ABR: variants seen among roughly 807,000 people sequenced by gnomAD.
ABR encodes active breakpoint cluster region-related protein.
A neutral mutation model predicts 107.2 loss-of-function variants in ABR; 35 were observed. The observed-to-expected ratio is 0.33, with a 90% CI of 0.25 to 0.43. The LOEUF (loss-of-function observed/expected upper bound fraction) is 0.43, where lower values mean the gene tolerates loss of function less well. Among genes scored for constraint, ABR ranks in the 20% least tolerant of loss-of-function variants. ABR has a pLI of 1.00. For missense variants in ABR, 815 were observed against 1,115.2 expected (o/e 0.73, Z 3.83); for synonymous variants, 498 against 462.0 (o/e 1.08, Z -1.00).
intron 4 of ABR, among the ~76,000 whole-genome samples, chr17:1,090,736 G>A (rs2036966086): frequency 6.6e-6 from 1 of 152,236 alleles, no homozygotes; most frequent in East Asian, 1.9e-4. Flanking sequence ...CACGGCAGGG[G>A]AGGGGAGGAG....
chr17:1,213,533 G>A (rs760461112), intron 1 of ABR, among the ~76,000 whole-genome samples: 12 of 152,070 alleles, frequency 7.9e-5, no homozygotes, highest in Non-Finnish European at 1.3e-4. Flanking sequence ...TGGATTACAG[G>A]TGCATGCCAC....
chr17:1,057,702 TGA>T (rs1300837671), intron 12 of ABR: 6,020 of 347,966 alleles, frequency 0.017, no homozygotes, highest in South Asian at 0.028. Context: ...TGTGTGTGTG[TGA>T]GAGAGAGAGA....
chr17:1,022,299 G>T (rs1324929536), intron 16 of ABR, among the ~76,000 whole-genome samples: 1 of 152,118 alleles, frequency 6.6e-6, no homozygotes, highest in Non-Finnish European at 1.5e-5. Flanking sequence ...TCCCAGGCCA[G>T]CGGCCACGGT....
upstream of ABR, among the ~76,000 whole-genome samples, chr17:1,182,676 C>G (rs1173831153): frequency 3.9e-5 from 6 of 152,172 alleles, no homozygotes; most frequent in Non-Finnish European, 8.8e-5. Flanking sequence ...TGTTCATGCT[C>G]TTAAACACCA....
intron 1 of ABR, among the ~76,000 whole-genome samples, chr17:1,219,638 C>A: frequency 7.0e-6 from 1 of 142,280 alleles, no homozygotes; most frequent in Non-Finnish European, 1.5e-5. Context: ...GTAATCCCAG[C>A]TACTCAGGAG....
In ABR at chr17:1,078,060, G is replaced by C. The variant is rs183035104; in HGVS notation, c.700+1270C>G. On this transcript the variant is annotated intron_variant, in intron 6 of 22. Coordinates refer to ENST00000302538, the MANE Select transcript of ABR (RefSeq NM_021962.5). This position sits in a 1 kb window ranked among gnomAD's most constrained non-coding sequence, Gnocchi z 7.5. ...TTCCCCCCAGCCCCCAGCCAGCTGC[G>C]GGAGCTGCAAGGAGGATGGTCCGGG... Among the ~76,000 whole-genome samples, 3 of 152,110 alleles carry C rather than the reference G, an allele frequency of 2.0e-5. No homozygotes were observed. The highest frequency in any genetic ancestry group is 2.9e-5 in the Non-Finnish European group (2 of 68,018).
intron 2 of ABR, chr17:1,109,130 G>C: frequency 6.6e-7 from 1 of 1,523,642 alleles, no homozygotes; most frequent in Non-Finnish European, 8.8e-7. Flanking sequence ...GGCGGGAGGA[G>C]GGAGGAGGGA....
intron 1 of ABR, among the ~76,000 whole-genome samples, chr17:1,185,549 G>T (rs2042260334): frequency 6.6e-6 from 1 of 151,446 alleles, no homozygotes; most frequent in African/African-American, 2.4e-5. Context: ...GGAGACTGAG[G>T]CAGGAGAATC....
chr17:1,095,629 T>A (rs2037365823), intron 3 of ABR, among the ~76,000 whole-genome samples: 1 of 151,968 alleles, frequency 6.6e-6, no homozygotes, highest in South Asian at 2.1e-4. Context: ...CGGCTCTCCA[T>A]TTCACCACTC....
chr17:1,094,975 G>A lies in ABR; in HGVS notation c.346-3125C>T, dbSNP rs373656673. 1.3e-3 allele frequency among the ~76,000 whole-genome samples: 203 copies of A among 152,310 alleles called. 3 individuals are homozygous for A. The highest frequency in any genetic ancestry group is 4.8e-3 in the African/African-American group (198 of 41,570). ...TTGGGGACTCCCCACCCTCCATGAGGGACATGGAACTAGCTTCAGGATTGA... is the reference window on the plus strand; with the variant it reads ...TTGGGGACTCCCCACCCTCCATGAGAGACATGGAACTAGCTTCAGGATTGA... On this transcript the variant is annotated intron_variant, in intron 3 of 22. Transcript: ENST00000302538.
upstream of ABR, among the ~76,000 whole-genome samples, chr17:1,189,532 G>A (rs1387270224): frequency 2.0e-5 from 3 of 151,998 alleles, no homozygotes; most frequent in Non-Finnish European, 2.9e-5. Context: ...AGGAACCTGT[G>A]GCCGGGCCTC....
chr17:1,165,388 G>T (rs780904709), intron 1 of ABR, among the ~76,000 whole-genome samples: 12 of 152,236 alleles, frequency 7.9e-5, no homozygotes, highest in Non-Finnish European at 1.8e-4. Context: ...AGTCAGCCAG[G>T]GTGGCACCCA....
chr17:1,021,674 G>A (rs577460657), intron 16 of ABR, among the ~76,000 whole-genome samples: 1 of 151,814 alleles, frequency 6.6e-6, no homozygotes, highest in African/African-American at 2.4e-5. Context: ...CGTGGTGGCG[G>A]GTGCCTGTAA....
chr17:1,038,973 G>T (rs566863759), intron 16 of ABR, among the ~76,000 whole-genome samples: 5 of 152,344 alleles, frequency 3.3e-5, no homozygotes, highest in African/African-American at 4.8e-5. Context: ...TTTCGCCTCG[G>T]CGAGTTCGCT....
chr17:1,011,404 C>G lies in ABR; in HGVS notation c.2101+442G>C, dbSNP rs890141750. Reference sequence around the variant, plus strand: ...GCTGCTGCACCTGAACCAGCAGGAGCAGGGAGGAGAAACCAGAAAGGTCAG... The same window carrying G: ...GCTGCTGCACCTGAACCAGCAGGAGGAGGGAGGAGAAACCAGAAAGGTCAG... On this transcript the variant is annotated intron_variant, in intron 19 of 22. Coordinates refer to ENST00000302538, the MANE Select transcript of ABR (RefSeq NM_021962.5). This position sits in a 1 kb window ranked among gnomAD's most constrained non-coding sequence, Gnocchi z 4.8. The G allele has an allele frequency of 1.8e-5, 3 of 167,254 alleles. No homozygotes were observed. Among genetic ancestry groups the G allele is most frequent in the African/African-American group, 7.2e-5 (3 of 41,782 alleles). The allele number at this position is 167,254 out of a possible 1,614,324, so 10.4% of individuals were successfully genotyped here. A position where few individuals can be genotyped will look rare whatever the true frequency, so the allele number is the denominator to read the frequency against.
chr17:1,228,625 C>T (rs2043267790), intron 1 of ABR, among the ~76,000 whole-genome samples: 1 of 152,180 alleles, frequency 6.6e-6, no homozygotes, highest in Non-Finnish European at 1.5e-5. Context: ...TTCTAAGCTC[C>T]ACAGGTGGCT....
At chr17:1,080,848 G>A (rs1027793194) in intron 5 of ABR, among the ~76,000 whole-genome samples, 5 of 152,048 alleles carry the variant, frequency 3.3e-5, no homozygotes, top group Non-Finnish European at 5.9e-5. Context: ...GTTTCCTCAC[G>A]CCCCCTCCAG....
chr17:1,178,058 T>C (rs1442301839), intron 1 of ABR: 1 of 152,140 alleles, frequency 6.6e-6, no homozygotes, highest in Non-Finnish European at 1.5e-5. Context: ...CAAGGACAGC[T>C]CCTGGGGGGA....
intron 2 of ABR, among the ~76,000 whole-genome samples, chr17:1,101,891 G>C (rs529673676): frequency 1.3e-5 from 2 of 151,976 alleles, no homozygotes; most frequent in African/African-American, 2.4e-5. Flanking sequence ...CCGCCACCAC[G>C]CCCAGCTAAC....
Sources: allele counts gnomAD v4.1 joint callset (sites outside exome capture counted in the v4.1 genomes callset), GRCh38; gene constraint gnomAD v4.1.1; non-coding constraint Gnocchi (gnomAD v3.1); transcripts MANE v1.5; gene names NCBI Gene and HGNC (gene_info 2026-07-23, HGNC 2026-07-21).